The following KIF1B variants were observed in gnomAD, a reference collection of about 807,000 sequenced individuals.
KIF1B encodes kinesin family member 1B.
KIF1B carries 76 observed loss-of-function variants against 241.9 expected under a neutral mutation model. The ratio of observed to expected loss-of-function variants is 0.31; its 90% CI spans 0.26 to 0.38. KIF1B has a LOEUF of 0.38. KIF1B is among the 10% of genes least tolerant of loss of function. The pLI is 1.00. For missense variants in KIF1B, 1,622 were observed against 2,271.4 expected (o/e 0.71, Z 5.81); for synonymous variants, 750 against 796.7 (o/e 0.94, Z 0.99).
Position 10,378,785 on chromosome 1 carries a change from G to A in KIF1B, c.*2198G>A. On this transcript the variant is annotated 3_prime_UTR_variant, in exon 49 of 49. Coordinates refer to ENST00000676179, the MANE Select transcript of KIF1B (RefSeq NM_001365951.3). ...CTTATCACTGCATTGTGAAGAGGAG[G>A]AAAAGTGAATCACGGAGAGAGAAAG... The A allele has an allele frequency of 3.8e-6, 1 of 263,218 alleles. No individual in the cohort carries two copies. Among genetic ancestry groups the A allele is most frequent in the Non-Finnish European group, 7.4e-6 (1 of 135,858 alleles). 16.3% of individuals were successfully genotyped at this position (263,218 alleles called of 1,614,324 possible).
intron 2 of KIF1B, among the ~76,000 whole-genome samples, chr1:10,246,471 T>A (rs1375774682): frequency 2.0e-5 from 3 of 152,092 alleles, no homozygotes; most frequent in Non-Finnish European, 4.4e-5. Flanking sequence ...CAGGGCTGGG[T>A]GTGGTGGCTC....
At chr1:10,307,953 A>G in intron 22 of KIF1B, 2 of 1,054,134 alleles carry the variant, frequency 1.9e-6, no homozygotes, top group Non-Finnish European at 2.3e-6. Flanking sequence ...TGGTAATGTG[A>G]TGAATGGGAA....
At chr1:10,271,404 C>G (rs1648793116) in intron 7 of KIF1B, 98 bp from the exon 8 acceptor site, 1 of 885,204 alleles carries the variant, frequency 1.1e-6, no homozygotes, top group Middle Eastern at 2.2e-4. Context: ...TTAGTTTTTT[C>G]CATACCTTAA....
At chr1:10,350,079 A>G (rs1652734640) in intron 37 of KIF1B, among the ~76,000 whole-genome samples, 1 of 152,000 alleles carries the variant, frequency 6.6e-6, no homozygotes, top group African/African-American at 2.4e-5. Flanking sequence ...TCACAAGGTC[A>G]AGAGATTGAG....
intron 22 of KIF1B, chr1:10,304,642 G>A (rs756071605): frequency 6.2e-7 from 1 of 1,613,754 alleles, no homozygotes; most frequent in South Asian, 1.1e-5. Flanking sequence ...AGAAACCACA[G>A]TATAAATCAG....
intron 2 of KIF1B, among the ~76,000 whole-genome samples, chr1:10,252,698 C>T (rs1166584983): frequency 6.6e-6 from 1 of 151,356 alleles, no homozygotes; most frequent in African/African-American, 2.4e-5. Flanking sequence ...AAGTGTGAGT[C>T]ACCGAGCCAG....
At position 10,312,187 on chromosome 1, in the gene KIF1B, G is replaced by T. The variant is rs572325114; in HGVS notation, c.2116-7856G>T. 4.6e-5 allele frequency among the ~76,000 whole-genome samples: 7 copies of T among 151,488 alleles called. No homozygotes were observed. The East Asian group carries it at 1.3e-3, about 29-fold the overall frequency. On this transcript the variant is annotated intron_variant, in intron 22 of 48. Coordinates refer to ENST00000676179, the MANE Select transcript of KIF1B (RefSeq NM_001365951.3). Reference sequence around the variant, plus strand: ...CAGGCACCTTACATTTAAATCATTTGAACTGGAGCAGCTAGCTCAGGCCAC... The same window carrying T: ...CAGGCACCTTACATTTAAATCATTTTAACTGGAGCAGCTAGCTCAGGCCAC...
chr1:10,253,708 G>A (rs1045012883), intron 2 of KIF1B, among the ~76,000 whole-genome samples: 3 of 152,178 alleles, frequency 2.0e-5, no homozygotes, highest in Non-Finnish European at 4.4e-5. Context: ...GTGAATGTTG[G>A]CTGTTTTTTA....
At chr1:10,269,102 G>A (rs1407253922) in intron 7 of KIF1B, among the ~76,000 whole-genome samples, 1 of 152,084 alleles carries the variant, frequency 6.6e-6, no homozygotes, top group Non-Finnish European at 1.5e-5. Flanking sequence ...TTATTGTACT[G>A]GCAATTATAA....
At chr1:10,276,566 G>A in intron 12 of KIF1B, among the ~76,000 whole-genome samples, 167 bp downstream of exon 12, 1 of 152,072 alleles carries the variant, frequency 6.6e-6, no homozygotes, top group East Asian at 1.9e-4. Context: ...TATTATAATA[G>A]AATTTACCTC....
chr1:10,267,309 T>G, intron 5 of KIF1B, 71 bp from the exon 6 acceptor site: 67 of 1,383,704 alleles, frequency 4.8e-5, no homozygotes, highest in Non-Finnish European at 6.4e-5. Flanking sequence ...ATTACAGGCG[T>G]GAGCCACCGC....
chr1:10,370,908 A>G (rs1638714628), intron 44 of KIF1B, among the ~76,000 whole-genome samples: 1 of 152,148 alleles, frequency 6.6e-6, no homozygotes, highest in Admixed American at 6.5e-5. Flanking sequence ...GGCCACAGGA[A>G]GCTAGGATTG....
chr1:10,242,506 A>G (rs552889925), intron 2 of KIF1B, among the ~76,000 whole-genome samples: 1 of 152,186 alleles, frequency 6.6e-6, no homozygotes, highest in Non-Finnish European at 1.5e-5. Flanking sequence ...GATAGTAACA[A>G]TACGATATTA....
intron 1 of KIF1B, among the ~76,000 whole-genome samples, chr1:10,213,808 T>C (rs1646727192): frequency 1.3e-5 from 2 of 152,224 alleles, no homozygotes; most frequent in African/African-American, 2.4e-5. Context: ...AGAAGAGAAA[T>C]TAAACAGATG....
intron 31 of KIF1B, among the ~76,000 whole-genome samples, chr1:10,339,368 G>T (rs1482557387): frequency 6.6e-6 from 1 of 152,190 alleles, no homozygotes; most frequent in Non-Finnish European, 1.5e-5. Flanking sequence ...AGACTCTTAT[G>T]TAACTATGCC....
chr1:10,263,258 T>A (rs1282251688), intron 5 of KIF1B, among the ~76,000 whole-genome samples: 1 of 150,918 alleles, frequency 6.6e-6, no homozygotes, highest in East Asian at 1.9e-4. Flanking sequence ...CACCCCAGCC[T>A]GGAGTCTGTC....
rs769982273 is a variant in KIF1B at position 10,303,003 on chromosome 1, A to AG, written c.2115+5761dup. Among the ~76,000 whole-genome samples the AG allele has an allele frequency of 2.6e-5, 4 of 151,772 alleles. No individual in the cohort carries two copies. The highest frequency in any genetic ancestry group is 4.8e-5 in the African/African-American group (2 of 41,292). ...GTCTTAATAGACTTCCACATTATTGAGGGGTTTTTTTTGGTTTTGTTTTGT... is the reference window on the plus strand; with the variant it reads ...GTCTTAATAGACTTCCACATTATTGAGGGGGTTTTTTTTGGTTTTGTTTTGT... On this transcript the variant is annotated intron_variant, in intron 22 of 48. Transcript: ENST00000676179. This position sits in a 1 kb window ranked among gnomAD's most constrained non-coding sequence, Gnocchi z 5.2.
At chr1:10,244,315 CTT>C (rs571243520) in intron 2 of KIF1B, among the ~76,000 whole-genome samples, 9 of 127,524 alleles carry the variant, frequency 7.1e-5, no homozygotes, top group Non-Finnish European at 1.0e-4. Flanking sequence ...TTTTTCTTTT[CTT>C]TTTTTTTTTT....
At chr1:10,220,971 G>C (rs1240516966) in intron 1 of KIF1B, among the ~76,000 whole-genome samples, 1 of 151,062 alleles carries the variant, frequency 6.6e-6, no homozygotes, top group East Asian at 2.0e-4. Flanking sequence ...CCAGATAGTA[G>C]TTAAAACATT....
Sources: gnomAD v4.1 joint callset for allele counts (sites outside exome capture counted in the v4.1 genomes callset) on GRCh38, gnomAD v4.1.1 for gene constraint, Gnocchi (gnomAD v3.1) non-coding constraint, MANE v1.5 for transcripts, NCBI Gene and HGNC (gene_info 2026-07-23, HGNC 2026-07-21) for gene names.